Variants in RFC4 observed in about 807,000 individuals in gnomAD.
RFC4 encodes A1 37 kDa subunit.
RFC4 carries 38 observed loss-of-function variants against 47.6 expected under a neutral mutation model. The observed-to-expected ratio is 0.80, with a 90% confidence interval of 0.62 to 1.05. RFC4 has a LOEUF of 1.05. Ranked by LOEUF, RFC4 falls within the 50% of genes least tolerant of loss-of-function variation. The pLI is 0.00. For missense variants in RFC4, 489 were observed against 434.0 expected (o/e 1.13, Z -1.13); for synonymous variants, 164 against 150.0 (o/e 1.09, Z -0.68).
At chr3:186,800,998 G>GGACCTAC in intron 3 of RFC4, 119 bp downstream of exon 3, 1 of 702,508 alleles carries the variant, frequency 1.4e-6, no homozygotes, top group South Asian at 1.8e-5. Context: ...TAGTTATCAA[G>GGACCTAC]GACCTACTGT....
chr3:186,798,247 A>G (rs9847630), intron 3 of RFC4, among the ~76,000 whole-genome samples: 10 of 152,326 alleles, frequency 6.6e-5, no homozygotes, highest in Non-Finnish European at 1.3e-4. Flanking sequence ...ATAAAATTAA[A>G]TCACTAGCTA....
chr3:186,790,478 C>T, intron 8 of RFC4, 72 bp from the exon 9 acceptor site: 2 of 1,061,368 alleles, frequency 1.9e-6, no homozygotes, highest in Non-Finnish European at 3.0e-6. Flanking sequence ...CAACTGGCCC[C>T]CGTGCCCCCA....
intron 3 of RFC4, 45 bp from the exon 4 acceptor site, chr3:186,797,659 A>C: frequency 7.5e-7 from 1 of 1,331,230 alleles, no homozygotes; most frequent in Non-Finnish European, 1.1e-6. Flanking sequence ...ATTCTGGCAC[A>C]AATAGATGAA....
chr3:186,797,453 A>AT, intron 4 of RFC4, 82 bp downstream of exon 4: 3 of 961,560 alleles, frequency 3.1e-6, no homozygotes, highest in Non-Finnish European at 4.9e-6. Flanking sequence ...CGAAACGCAA[A>AT]TTTTTAGAGG....
At chr3:186,805,622 G>T (rs937658180) in intron 1 of RFC4, 1 of 152,106 alleles carries the variant, frequency 6.6e-6, no homozygotes, top group Non-Finnish European at 1.5e-5. Context: ...AGAAACAGCT[G>T]TTTTTCTCAT....
In RFC4 at chr3:186,789,976, TTC is replaced by T. The variant is rs1722022879; in HGVS notation, c.1083_1084del (p.Asn362LeufsTer4). On this transcript the variant is annotated frameshift_variant, in exon 11 of 11. Coordinates refer to ENST00000296273, the MANE Select transcript of RFC4 (RefSeq NM_002916.5). LOFTEE classifies it high-confidence loss of function. ...CATCCAGATATATTCACGTTAACAA[TTC>T]TGAGATAACTGCTGCATCACAGTTG... The T allele has an allele frequency of 1.9e-6, 3 of 1,601,392 alleles. No individual in the cohort carries two copies. The highest frequency in any genetic ancestry group is 2.6e-6 in the Non-Finnish European group (3 of 1,168,826).
intron 2 of RFC4, chr3:186,801,423 G>C: frequency 1.8e-6 from 1 of 540,680 alleles, no homozygotes. Context: ...TGCATTGCTC[G>C]AATCTGTTAT....
At chr3:186,791,877 C>T in intron 7 of RFC4, 27 bp from the exon 8 acceptor site, 1 of 1,577,492 alleles carries the variant, frequency 6.3e-7, no homozygotes, top group Non-Finnish European at 8.6e-7. Flanking sequence ...TGTTTTTAAC[C>T]TATGATGGCC....
rs11544063 is a variant in RFC4, at chr3:186,792,932, C to T, written c.426G>A (p.Pro142=). The change falls in exon 6 of 11, where the codon CCG becomes CCA. Residue 142 remains proline, a synonymous_variant. Coordinates refer to ENST00000296273, the MANE Select transcript of RFC4 (RefSeq NM_002916.5). Reference sequence around the variant, plus strand: ...CATCCAGAATCACAATCTTAAAAGGCGGACACGGCTTCCCACTGATTCAGA... The same window carrying T: ...CATCCAGAATCACAATCTTAAAAGGTGGACACGGCTTCCCACTGATTCAGA... ...SGSRSDGKPC[P]PFKIVILDEA... is the part of the protein sequence containing the mutation. 1.6e-5 allele frequency: 26 copies of T among 1,612,898 alleles called. No homozygotes were observed. Among genetic ancestry groups the T allele is most frequent in the African/African-American group, 1.3e-4 (10 of 74,840 alleles).
At chr3:186,797,740 A>G (rs1243903141) in intron 3 of RFC4, 126 bp from the exon 4 acceptor site, 2 of 607,824 alleles carry the variant, frequency 3.3e-6, no homozygotes, top group Non-Finnish European at 5.7e-6. Flanking sequence ...ATTTCTAAGT[A>G]TAAAGTTTTC....
intron 3 of RFC4, among the ~76,000 whole-genome samples, chr3:186,799,682 C>T (rs1424904638): frequency 6.6e-6 from 1 of 151,762 alleles, no homozygotes; most frequent in Non-Finnish European, 1.5e-5. Context: ...CACTGCACTC[C>T]AGCCTGCGTG....
At chr3:186,794,141 C>T (rs3917126) in intron 5 of RFC4, among the ~76,000 whole-genome samples, 1,591 of 152,228 alleles carry the variant, frequency 0.01, 23 homozygotes, top group East Asian at 0.073. Flanking sequence ...TCCCACGTTG[C>T]GGGTTATTAC....
intron 4 of RFC4, among the ~76,000 whole-genome samples, chr3:186,795,074 G>A (rs2108469653): frequency 6.6e-6 from 1 of 152,326 alleles, no homozygotes; most frequent in East Asian, 1.9e-4. Context: ...GCATGATGAT[G>A]GCTCACTGCA....
intron 3 of RFC4, among the ~76,000 whole-genome samples, chr3:186,799,966 T>C (rs1467261137): frequency 6.6e-6 from 1 of 152,134 alleles, no homozygotes; most frequent in African/African-American, 2.4e-5. Flanking sequence ...TATTTATTTA[T>C]TTTTGAGACC....
At chr3:186,795,989 G>A (rs1474118087) in intron 4 of RFC4, among the ~76,000 whole-genome samples, 2 of 151,424 alleles carry the variant, frequency 1.3e-5, no homozygotes, top group Non-Finnish European at 2.9e-5. Context: ...TGGGCACACT[G>A]TCAAAGCACT....
In RFC4 at chr3:186,789,957, G is replaced by A; in HGVS notation, c.*12C>T. On this transcript the variant is annotated 3_prime_UTR_variant, in exon 11 of 11. Transcript: ENST00000296273. ...CATTATTTACAAAACCCCCCATCCA[G>A]ATATATTCACGTTAACAATTCTGAG... 6.6e-7 allele frequency: 1 copy of A among 1,524,658 alleles called. No homozygotes were observed. Among genetic ancestry groups the A allele is most frequent in the Admixed American group, 1.7e-5 (1 of 59,192 alleles). The allele number at this position is 1,524,658 out of a possible 1,614,324, so 94.4% of individuals were successfully genotyped here.
In RFC4 at chr3:186,796,363, A is replaced by C. The variant is rs1722244717; in HGVS notation, c.290+1172T>G. Reference sequence around the variant, plus strand: ...GGAATAATCAAAAAAGTTCTTCTATAATTTTACTGAGAATAAAAAATTGCT... The same window carrying C: ...GGAATAATCAAAAAAGTTCTTCTATCATTTTACTGAGAATAAAAAATTGCT... On this transcript the variant is annotated intron_variant, in intron 4 of 10. Coordinates refer to ENST00000296273, the MANE Select transcript of RFC4 (RefSeq NM_002916.5). The surrounding 1 kb of genome is among the most constrained non-coding windows in gnomAD (Gnocchi z 4.2). 6.6e-6 allele frequency among the ~76,000 whole-genome samples: 1 copy of C among 152,252 alleles called. No homozygotes were observed.
At position 186,804,654 on chromosome 3, in the gene RFC4, T is replaced by C. The variant is rs758916374; in HGVS notation, c.60A>G (p.Arg20=). 6.2e-7 allele frequency: 1 copy of C among 1,614,174 alleles called. No homozygotes were observed. The highest frequency in any genetic ancestry group is 8.5e-7 in the Non-Finnish European group (1 of 1,180,028). The change falls in exon 2 of 11, where the codon CGA becomes CGG. Residue 20 remains arginine, a synonymous_variant. Coordinates refer to ENST00000296273, the MANE Select transcript of RFC4 (RefSeq NM_002916.5). ...ISTKPPLTKD[R]GVAASAGSSG... The stretch of plus-strand genomic sequence containing the variant: ...TACTTCCCGCACTGGCAGCTACTCC[T>C]CGATCCTTGGTCAGCGGGGGTTTAG...
At chr3:186,800,449 C>G (rs1183806507) in intron 3 of RFC4, among the ~76,000 whole-genome samples, 1 of 152,210 alleles carries the variant, frequency 6.6e-6, no homozygotes, top group African/African-American at 2.4e-5. Context: ...GGAAGCAAAT[C>G]TTGAAACTAA....
Sources: gnomAD v4.1 joint callset for allele counts (sites outside exome capture counted in the v4.1 genomes callset) on GRCh38, gnomAD v4.1.1 for gene constraint, Gnocchi (gnomAD v3.1) non-coding constraint, MANE v1.5 for transcripts, NCBI Gene and HGNC (gene_info 2026-07-23, HGNC 2026-07-21) for gene names.